PLSCR2: variants seen among roughly 807,000 people sequenced by gnomAD.
PLSCR2 encodes phospholipid scramblase 2.
A neutral mutation model predicts 25.3 loss-of-function variants in PLSCR2; 18 were observed. The observed-to-expected ratio is 0.71, with a 90% CI of 0.49 to 1.06. The LOEUF (loss-of-function observed/expected upper bound fraction) is 1.06. PLSCR2 is among the 50% of genes least tolerant of loss of function. The probability of loss-of-function intolerance (pLI) is 0.00; values close to 1 mark genes in which losing one functional copy is unlikely to be tolerated. For synonymous variants in PLSCR2, 88 were observed against 87.3 expected, an observed-to-expected ratio of 1.01 and a Z score of -0.04; for missense variants, 243 against 269.5, an observed-to-expected ratio of 0.90 and a Z score of 0.69.
downstream of PLSCR2, among the ~76,000 whole-genome samples, chr3:146,432,748 G>T (rs2039594033): frequency 6.6e-6 from 1 of 152,058 alleles, no homozygotes; most frequent in African/African-American, 2.4e-5. Context: ...TAGAATGTGG[G>T]TATATCATGG....
At chr3:146,404,432 G>A (rs1182671015) in intron 2 of PLSCR2, among the ~76,000 whole-genome samples, 1 of 152,174 alleles carries the variant, frequency 6.6e-6, no homozygotes, top group East Asian at 1.9e-4. Context: ...ATCTATGCAT[G>A]TAGGAAGAGC....
Position 146,449,201 on chromosome 3 carries a change from C to T in PLSCR2, c.645+5G>A, listed in dbSNP as rs897034449. ...TGTCACCAAGATTAGCAGGAATAGA[C>T]TTACAATGAGGAAACAGGCACCAAT... is the stretch of plus-strand genomic sequence containing the variant. On this transcript the variant is annotated splice_donor_5th_base_variant and intron_variant, in intron 6 of 6. Transcript: ENST00000610787. 1.2e-6 allele frequency: 2 copies of T among 1,607,666 alleles called. No individual in the cohort carries two copies. Among genetic ancestry groups the T allele is most frequent in the African/African-American group, 2.7e-5 (2 of 74,676 alleles).
intron 1 of PLSCR2, among the ~76,000 whole-genome samples, chr3:146,467,536 A>C (rs2041925069): frequency 6.6e-6 from 1 of 152,164 alleles, no homozygotes; most frequent in African/African-American, 2.4e-5. Flanking sequence ...CTGTACAGGC[A>C]CTAAAAAATG....
intron 8 of PLSCR2, among the ~76,000 whole-genome samples, chr3:146,436,713 A>G (rs1466459170): frequency 6.7e-6 from 1 of 149,138 alleles, no homozygotes; most frequent in African/African-American, 2.4e-5. Context: ...AATCATGTCA[A>G]TTGCAAACAG....
intron 1 of PLSCR2, among the ~76,000 whole-genome samples, chr3:146,493,786 T>G (rs1031899232): frequency 1.6e-5 from 2 of 124,948 alleles, no homozygotes; most frequent in Non-Finnish European, 3.3e-5. Context: ...AGGTGGCGTT[T>G]TTTTTTTTTT....
chr3:146,403,800 T>G lies in PLSCR2; in HGVS notation c.101-7879A>C, dbSNP rs143675153. ...CCAAAGCTGAGGGGCTGGCATCTGG[T>G]AAGGGCCTTCTTACTACATCATGTT... On this transcript the variant is annotated intron_variant and NMD_transcript_variant, in intron 2 of 3. Transcript: ENST00000463633. Among the ~76,000 whole-genome samples, 846 of 152,346 alleles carry G rather than the reference T, an allele frequency of 5.6e-3. 5 individuals are homozygous for G. Among genetic ancestry groups the G allele is most frequent in the African/African-American group, 0.019 (807 of 41,584 alleles).
At chr3:146,435,558 C>T (rs1013595682) in intron 8 of PLSCR2, among the ~76,000 whole-genome samples, 5 of 152,220 alleles carry the variant, frequency 3.3e-5, no homozygotes, top group African/African-American at 1.2e-4. Context: ...CTGTTGGCTG[C>T]ATAAATGTCT....
chr3:146,474,886 G>T (rs2042233883), intron 1 of PLSCR2, among the ~76,000 whole-genome samples: 1 of 151,402 alleles, frequency 6.6e-6, no homozygotes, highest in South Asian at 2.1e-4. Flanking sequence ...TTTCAGTAAG[G>T]TGCATTTCAA....
chr3:146,398,807 A>C (rs1433393731), intron 2 of PLSCR2: 1 of 152,254 alleles, frequency 6.6e-6, no homozygotes, highest in Non-Finnish European at 1.5e-5. Context: ...CACCTGGTGG[A>C]GCTTCAACTT....
At chr3:146,461,946 C>A (rs987034687), upstream of PLSCR2, 8 of 1,460,284 alleles carry the variant, frequency 5.5e-6, no homozygotes, top group African/African-American at 8.6e-5. Flanking sequence ...CAAATAATAT[C>A]CTTTCATAAG....
intron 1 of PLSCR2, among the ~76,000 whole-genome samples, chr3:146,477,560 C>T (rs911080352): frequency 4.6e-5 from 7 of 152,246 alleles, no homozygotes; most frequent in African/African-American, 1.7e-4. Context: ...TGAGGCTTGA[C>T]TAGGTAAACA....
intron 5 of PLSCR2, among the ~76,000 whole-genome samples, 171 bp downstream of exon 5, chr3:146,453,831 G>C (rs2041038121): frequency 6.6e-6 from 1 of 151,964 alleles, no homozygotes; most frequent in Non-Finnish European, 1.5e-5. Flanking sequence ...TATCAATATT[G>C]ACCTTTAGTC....
At chr3:146,431,020 A>C (rs2039526610), downstream of PLSCR2, among the ~76,000 whole-genome samples, 1 of 151,942 alleles carries the variant, frequency 6.6e-6, no homozygotes, top group South Asian at 2.1e-4. Flanking sequence ...AAGCACCCAA[A>C]CTTCTCCTCT....
intron 3 of PLSCR2, among the ~76,000 whole-genome samples, chr3:146,392,049 A>G (rs1221624663): frequency 6.6e-6 from 1 of 152,074 alleles, no homozygotes; most frequent in African/African-American, 2.4e-5. Context: ...AGGTCCTTAA[A>G]AGTATTTCAT....
At chr3:146,430,759 C>T (rs2039518060), downstream of PLSCR2, among the ~76,000 whole-genome samples, 3 of 151,722 alleles carry the variant, frequency 2.0e-5, no homozygotes, top group African/African-American at 7.3e-5. Context: ...CCCCCCACCC[C>T]CAAGTCTCCT....
exon 4 of PLSCR2, chr3:146,455,298 T>C: frequency 2.5e-6 from 4 of 1,614,108 alleles, no homozygotes; most frequent in Non-Finnish European, 3.4e-6. Flanking sequence ...TCCAGAGTTA[T>C]GACTTCTCGA....
upstream of PLSCR2, among the ~76,000 whole-genome samples, chr3:146,461,052 A>G (rs2041543217): frequency 1.3e-5 from 2 of 152,228 alleles, no homozygotes; most frequent in Non-Finnish European, 1.5e-5. Flanking sequence ...GAAAAATTCT[A>G]AAGTAGCAGA....
At chr3:146,455,491 C>A (rs757145587) in intron 3 of PLSCR2, 32 bp from the exon 4 acceptor site, 25 of 1,302,564 alleles carry the variant, frequency 1.9e-5, no homozygotes, top group Non-Finnish European at 2.7e-5. Context: ...GTTGCCTTTA[C>A]GTTAAAATGA....
At chr3:146,443,297 C>T (rs1376292472) in intron 6 of PLSCR2, among the ~76,000 whole-genome samples, 7 of 151,890 alleles carry the variant, frequency 4.6e-5, no homozygotes, top group South Asian at 4.1e-4. Flanking sequence ...TAAGTTTGCA[C>T]GTATTCCTCC....
Sources: gnomAD v4.1 joint callset for allele counts (sites outside exome capture counted in the v4.1 genomes callset) on GRCh38, gnomAD v4.1.1 for gene constraint, MANE v1.5 for transcripts, NCBI Gene and HGNC (gene_info 2026-07-23, HGNC 2026-07-21) for gene names.